DNAH2: variants seen among roughly 807,000 people sequenced by gnomAD.
The protein encoded by DNAH2 is axonemal beta dynein heavy chain 2.
In DNAH2, 323 loss-of-function variants were observed where a neutral mutation model predicts 523.5. The observed-to-expected ratio is 0.62, with a 90% CI of 0.56 to 0.68. The LOEUF (loss-of-function observed/expected upper bound fraction) is 0.68, where lower values mean the gene tolerates loss of function less well. Ranked by LOEUF, DNAH2 falls within the 30% of genes least tolerant of loss-of-function variation. DNAH2 has a pLI of 0.00. For missense variants in DNAH2, 4,907 were observed against 5,701.5 expected, an observed-to-expected ratio of 0.86 and a Z score of 4.49; for synonymous variants, 2,093 against 2,177.4, an observed-to-expected ratio of 0.96 and a Z score of 1.08.
At chr17:7,765,588 C>T (rs368876251) in intron 21 of DNAH2, 23 bp downstream of exon 21, 61 of 1,599,298 alleles carry the variant, frequency 3.8e-5, no homozygotes, top group African/African-American at 8.0e-5. Flanking sequence ...CCACCTCTCC[C>T]GCTTCTTTAG....
chr17:7,761,167 C>G (rs141772743), intron 18 of DNAH2, among the ~76,000 whole-genome samples: 6 of 152,004 alleles, frequency 3.9e-5, no homozygotes, highest in African/African-American at 1.5e-4. Flanking sequence ...GATGGCAGGG[C>G]CTGGTGAGAA....
At chr17:7,756,285 A>G (rs2075834501) in intron 12 of DNAH2, among the ~76,000 whole-genome samples, 1 of 150,690 alleles carries the variant, frequency 6.6e-6, no homozygotes, top group Non-Finnish European at 1.5e-5. Flanking sequence ...TAATTAATTT[A>G]TTTATTTTGA....
rs761571154 is a variant in DNAH2, at chr17:7,733,205, G to A, written c.518G>A (p.Arg173Gln). 183 of 1,614,058 alleles carry A rather than the reference G, an allele frequency of 1.1e-4. No homozygotes were observed. The highest frequency in any genetic ancestry group is 1.5e-4 in the Non-Finnish European group (176 of 1,180,044). The change falls in exon 5 of 86, where the codon CGG (arginine) becomes CAG (glutamine). Residue 173 changes from arginine (R) to glutamine (Q), a missense_variant. By Grantham distance (43) the Arg-to-Gln change is conservative. This residue lies in a region of DNAH2 where 2,806 missense variants were observed against 3,190.8 expected (regional missense o/e 0.88). Transcript: ENST00000572933. ...VRGPYIPALL[R>Q]LLGGVFAPQI... ...GGCCCCTATATCCCGGCCCTGCTTCGGCTGCTCGGTGGAGTCTTTGCCCCT... is the reference window on the plus strand; with the variant it reads ...GGCCCCTATATCCCGGCCCTGCTTCAGCTGCTCGGTGGAGTCTTTGCCCCT...
At chr17:7,801,177 A>G (rs2077212730) in intron 56 of DNAH2, among the ~76,000 whole-genome samples, 1 of 151,944 alleles carries the variant, frequency 6.6e-6, no homozygotes, top group African/African-American at 2.4e-5. Flanking sequence ...CCGGCCTACC[A>G]TTTTGTTTTT....
At chr17:7,772,862 C>T (rs537454771) in intron 28 of DNAH2, among the ~76,000 whole-genome samples, 1 of 152,290 alleles carries the variant, frequency 6.6e-6, no homozygotes, top group South Asian at 2.1e-4. Flanking sequence ...CAACCTCCAC[C>T]TCCCGGTTCA....
At chr17:7,740,623 C>T (rs904885721) in intron 10 of DNAH2, 74 bp downstream of exon 10, 1 of 1,587,560 alleles carries the variant, frequency 6.3e-7, no homozygotes, top group African/African-American at 1.3e-5. Context: ...CGGAGGCCCT[C>T]CTGCCTCCAC....
chr17:7,827,803 G>A (rs1270580664), intron 77 of DNAH2, among the ~76,000 whole-genome samples: 1 of 151,958 alleles, frequency 6.6e-6, no homozygotes, highest in African/African-American at 2.4e-5. Flanking sequence ...CAAATACTGC[G>A]AAAGTACTTT....
At chr17:7,805,426 A>G in intron 61 of DNAH2, 33 bp downstream of exon 61, 1 of 1,613,478 alleles carries the variant, frequency 6.2e-7, no homozygotes, top group Non-Finnish European at 8.5e-7. Context: ...AATGACTTCC[A>G]CTCACCCAGT....
At chr17:7,808,636 C>T (rs1484710320) in intron 63 of DNAH2, among the ~76,000 whole-genome samples, 4 of 151,636 alleles carry the variant, frequency 2.6e-5, no homozygotes, top group Non-Finnish European at 5.9e-5. Context: ...TGAAAGCAGC[C>T]GATATTACTG....
chr17:7,758,863 C>G (rs748627011), intron 14 of DNAH2, 22 bp from the exon 15 acceptor site: 14 of 1,611,528 alleles, frequency 8.7e-6, no homozygotes, highest in South Asian at 2.2e-5. Flanking sequence ...TGAAACTCCC[C>G]CATGACGGGG....
At chr17:7,793,293 C>T (rs1028770210) in intron 48 of DNAH2, 88 bp downstream of exon 48, 5 of 1,368,000 alleles carry the variant, frequency 3.7e-6, no homozygotes, top group Non-Finnish European at 5.0e-6. Context: ...AGGCTATGGT[C>T]CTGTCATCTT....
In DNAH2 at chr17:7,740,496, G is replaced by A; in HGVS notation, c.1453G>A (p.Val485Met). The change falls in exon 10 of 86, where the codon GTG becomes ATG. Residue 485 changes from valine (V) to methionine (M), a missense_variant. This residue lies in a region of DNAH2 where 2,806 missense variants were observed against 3,190.8 expected (regional missense o/e 0.88). Coordinates refer to ENST00000572933, the MANE Select transcript of DNAH2 (RefSeq NM_020877.5). Reference sequence around the variant, plus strand: ...CTCAGCCTTCGAGTTGGTGCGGGACGTGCCGCACGGCGTGCTTCTGCTGGA... The same window carrying A: ...CTCAGCCTTCGAGTTGGTGCGGGACATGCCGCACGGCGTGCTTCTGCTGGA... The part of the protein sequence containing the change: ...ITSAFELVRD[V>M]PHGVLLLDTF... The A allele has an allele frequency of 6.2e-7, 1 of 1,614,166 alleles. No individual in the cohort carries two copies. The highest frequency in any genetic ancestry group is 1.1e-5 in the South Asian group (1 of 91,088).
intron 3 of DNAH2, among the ~76,000 whole-genome samples, chr17:7,724,742 C>CTTTTTTTTT (rs57294591): frequency 3.8e-5 from 5 of 130,444 alleles, no homozygotes; most frequent in East Asian, 2.3e-4. Flanking sequence ...TCATATGTTA[C>CTTTTTTTTT]TTTTTTTTTT....
chr17:7,759,433 G>A lies in DNAH2; in HGVS notation c.2460G>A (p.Gln820=), dbSNP rs2151195495. 3.1e-6 allele frequency: 5 copies of A among 1,612,212 alleles called. 1 individual carries two copies. In the South Asian group the frequency reaches 4.4e-5, roughly 14 times the overall value. The change falls in exon 16 of 86, where the codon CAG becomes CAA. Residue 820 remains glutamine (Q), a synonymous_variant. Transcript: ENST00000572933. ...FKNDGPEIQQ[Q]WMLYMIRLDR... ...CTCCATCCCATCAGATTCAGCAGCAGTGGATGCTGTACATGATTCGGCTGG... is the reference window on the plus strand; with the variant it reads ...CTCCATCCCATCAGATTCAGCAGCAATGGATGCTGTACATGATTCGGCTGG...
At position 7,758,927 on chromosome 17, in the gene DNAH2, A is replaced by G. The variant is rs760354926; in HGVS notation, c.2251A>G (p.Ile751Val). 6.2e-7 allele frequency: 1 copy of G among 1,614,048 alleles called. No individual in the cohort carries two copies. The highest frequency in any genetic ancestry group is 1.3e-5 in the African/African-American group (1 of 74,926). The change falls in exon 15 of 86, where the codon ATT (isoleucine) becomes GTT (valine). Residue 751 changes from isoleucine to valine, a missense_variant. Physicochemically the swap from Ile to Val is conservative, Grantham distance 29. Around this residue, in one of 3 missense-constraint regions of DNAH2, gnomAD observed 2,806 missense variants for 3,190.8 expected, o/e 0.88. Coordinates refer to ENST00000572933, the MANE Select transcript of DNAH2 (RefSeq NM_020877.5). ...VNEFKASTLT[I>V]GWRAQEMSEK... Reference sequence around the variant, plus strand: ...TGAGTTCAAGGCATCCACTCTGACCATTGGCTGGCGAGCCCAAGAGATGTC... The same window carrying G: ...TGAGTTCAAGGCATCCACTCTGACCGTTGGCTGGCGAGCCCAAGAGATGTC...
chr17:7,764,390 T>G, intron 20 of DNAH2, 117 bp downstream of exon 20: 1 of 1,314,614 alleles, frequency 7.6e-7, no homozygotes, highest in East Asian at 2.3e-5. Context: ...GACTCTAGAT[T>G]TGAAAGCCAA....
chr17:7,807,047 G>A lies in DNAH2; in HGVS notation c.9443-103G>A. On this transcript the variant is annotated intron_variant, in intron 61 of 85. Transcript: ENST00000572933. This position sits in a 1 kb window ranked among gnomAD's most constrained non-coding sequence, Gnocchi z 5.6. ...CAGATAATTTGGCCTTAGGAACTGA[G>A]CCCAGGAAAAATGTGGCTATGCGTG... 1 of 1,424,478 alleles carries A rather than the reference G, an allele frequency of 7.0e-7. No homozygotes were observed. Among genetic ancestry groups the A allele is most frequent in the Non-Finnish European group, 9.5e-7 (1 of 1,053,436 alleles). The allele number at this position is 1,424,478 out of a possible 1,614,324, so 88.2% of individuals were successfully genotyped here. A position where few individuals can be genotyped will look rare whatever the true frequency, so the allele number is the denominator to read the frequency against.
At position 7,798,862 on chromosome 17, in the gene DNAH2, G is replaced by A. The variant is rs1019882999; in HGVS notation, c.8559+144G>A. 7.8e-7 allele frequency: 1 copy of A among 1,275,742 alleles called. No individual in the cohort carries two copies. The highest frequency in any genetic ancestry group is 1.5e-5 in the African/African-American group (1 of 67,472). 79.0% of individuals were successfully genotyped at this position (1,275,742 alleles called of 1,614,324 possible). A position where few individuals can be genotyped will look rare whatever the true frequency, so the allele number is the denominator to read the frequency against. On this transcript the variant is annotated intron_variant, in intron 55 of 85. Transcript: ENST00000572933. This position sits in a 1 kb window ranked among gnomAD's most constrained non-coding sequence, Gnocchi z 5.5. ...CCACCTCAGCCCTGTAAGGTGGAAG[G>A]TCCCCTCCAGGGACCCTGGGCAGAG...
At chr17:7,766,898 G>A (rs1156909187) in intron 22 of DNAH2, among the ~76,000 whole-genome samples, 2 of 151,690 alleles carry the variant, frequency 1.3e-5, no homozygotes, top group African/African-American at 4.9e-5. Context: ...GATCCACCTG[G>A]CTCGACCTCC....
Sources: gnomAD v4.1 joint callset for allele counts (sites outside exome capture counted in the v4.1 genomes callset) on GRCh38, gnomAD v4.1.1 for gene constraint, gnomAD v4.1.1 regional missense constraint, Gnocchi (gnomAD v3.1) non-coding constraint, MANE v1.5 for transcripts, NCBI Gene and HGNC (gene_info 2026-07-23, HGNC 2026-07-21) for gene names.